Variants in NCALD observed in about 807,000 individuals in gnomAD.
NCALD encodes neurocalcin delta.
A neutral mutation model predicts 18.6 loss-of-function variants in NCALD; 10 were observed. That is an observed-to-expected ratio of 0.54 (90% CI 0.33 to 0.91). The LOEUF (loss-of-function observed/expected upper bound fraction) is 0.91. Among genes scored for constraint, NCALD ranks in the 40% least tolerant of loss-of-function variants. The pLI, the probability that NCALD is intolerant of heterozygous loss-of-function variation, is 0.03. For missense variants in NCALD, 184 were observed against 247.6 expected, an observed-to-expected ratio of 0.74 and a Z score of 1.72; for synonymous variants, 88 against 87.4, an observed-to-expected ratio of 1.01 and a Z score of -0.04.
intron 2 of NCALD, among the ~76,000 whole-genome samples, chr8:101,948,190 T>A (rs1396035556): frequency 6.6e-6 from 1 of 152,192 alleles, no homozygotes; most frequent in Non-Finnish European, 1.5e-5. Context: ...TGCAATAATT[T>A]AGATAAGAGA....
intron 4 of NCALD, among the ~76,000 whole-genome samples, chr8:101,863,671 G>A (rs1178728596): frequency 6.6e-6 from 1 of 152,102 alleles, no homozygotes; most frequent in Non-Finnish European, 1.5e-5. Context: ...TATCATATCA[G>A]GTAACCATTA....
At chr8:102,009,298 T>G in intron 2 of NCALD, among the ~76,000 whole-genome samples, 1 of 152,240 alleles carries the variant, frequency 6.6e-6, no homozygotes. Context: ...TTTCAAAGAT[T>G]TAAGCTCTGT....
chr8:101,845,965 T>C (rs1417696760), intron 4 of NCALD, among the ~76,000 whole-genome samples: 1 of 152,236 alleles, frequency 6.6e-6, no homozygotes, highest in East Asian at 1.9e-4. Context: ...ATTATTTCAC[T>C]AAACATAATG....
At chr8:101,827,611 G>A (rs1813994006) in intron 4 of NCALD, among the ~76,000 whole-genome samples, 1 of 152,190 alleles carries the variant, frequency 6.6e-6, no homozygotes, top group African/African-American at 2.4e-5. Context: ...GATTCACACT[G>A]CATTCTGTGG....
In NCALD at chr8:101,873,733, G is replaced by A. The variant is rs147278074; in HGVS notation, c.-20+13408C>T. Among the ~76,000 whole-genome samples the A allele has an allele frequency of 1.3e-4, 20 of 152,284 alleles. No homozygotes were observed. In the East Asian group the frequency reaches 1.7e-3, roughly 13 times the overall value. ...TGATGTCAGTTCTGGCTATACTGCC[G>A]CCCCCATTGCAAAGCCCTGAGCTTG... On this transcript the variant is annotated intron_variant, in intron 4 of 6. Transcript: ENST00000311028.
At chr8:101,744,737 G>A (rs1315720857) in intron 1 of NCALD, among the ~76,000 whole-genome samples, 1 of 152,116 alleles carries the variant, frequency 6.6e-6, no homozygotes, top group Non-Finnish European at 1.5e-5. Context: ...CAGCAGTGCT[G>A]CTTGGCCCTT....
chr8:101,777,825 C>G lies in NCALD; in HGVS notation c.-20+13037G>C, dbSNP rs910900877. 1.5e-4 allele frequency among the ~76,000 whole-genome samples: 23 copies of G among 152,108 alleles called. 1 individual carries two copies. The highest frequency in any genetic ancestry group is 1.5e-5 in the Non-Finnish European group (1 of 68,012). ...GATGGAAATCAAGAAAAGTTACCAT[C>G]AGCAGACAGAAATTTTAAGAAATTT... On this transcript the variant is annotated intron_variant, in intron 1 of 3. Transcript: ENST00000220931.
chr8:101,759,840 T>C (rs1444703881), intron 1 of NCALD, among the ~76,000 whole-genome samples: 4 of 152,276 alleles, frequency 2.6e-5, no homozygotes, highest in South Asian at 2.1e-4. Context: ...GATAAAAATG[T>C]ATCATCAGTA....
intron 4 of NCALD, among the ~76,000 whole-genome samples, chr8:101,843,374 T>C (rs2131298496): frequency 6.6e-6 from 1 of 152,336 alleles, no homozygotes; most frequent in South Asian, 2.1e-4. Flanking sequence ...GTCAATACTC[T>C]GTGGTTTAAA....
intron 1 of NCALD, among the ~76,000 whole-genome samples, chr8:102,030,740 G>A (rs1191409118): frequency 3.3e-5 from 5 of 152,200 alleles, no homozygotes; most frequent in Middle Eastern, 3.4e-3. Context: ...GCTGGATGTG[G>A]TGGTGCACGC....
At chr8:101,963,296 A>G (rs1296557860) in intron 2 of NCALD, among the ~76,000 whole-genome samples, 4 of 152,174 alleles carry the variant, frequency 2.6e-5, no homozygotes, top group African/African-American at 4.8e-5. Context: ...CTAAGAAACT[A>G]TTAATTACTG....
chr8:101,840,730 A>T (rs1225178574), intron 4 of NCALD, among the ~76,000 whole-genome samples: 4 of 152,190 alleles, frequency 2.6e-5, no homozygotes, highest in Admixed American at 6.5e-5. Context: ...TATCACTCAC[A>T]TACATAAACT....
At chr8:101,868,418 C>T (rs1383842321) in intron 4 of NCALD, among the ~76,000 whole-genome samples, 7 of 152,142 alleles carry the variant, frequency 4.6e-5, no homozygotes. Context: ...AAGGCTGATT[C>T]ACGCTGACTT....
At chr8:101,997,366 G>T (rs1398975893) in intron 2 of NCALD, among the ~76,000 whole-genome samples, 4 of 152,064 alleles carry the variant, frequency 2.6e-5, no homozygotes, top group Admixed American at 1.3e-4. Context: ...TTTTTAAAGA[G>T]CATGCTTTTA....
chr8:101,695,317 A>G (rs758252889), intron 2 of NCALD, among the ~76,000 whole-genome samples: 2 of 152,062 alleles, frequency 1.3e-5, no homozygotes, highest in Admixed American at 6.6e-5. Flanking sequence ...TTCATTATCA[A>G]TCTTCTTTGG....
At chr8:101,763,317 T>C (rs1439010333) in intron 1 of NCALD, among the ~76,000 whole-genome samples, 1 of 152,108 alleles carries the variant, frequency 6.6e-6, no homozygotes. Flanking sequence ...CAAGCTATGG[T>C]TGAAGTCTGG....
At chr8:102,000,867 C>A (rs1380671514) in intron 2 of NCALD, among the ~76,000 whole-genome samples, 1 of 152,130 alleles carries the variant, frequency 6.6e-6, no homozygotes, top group Non-Finnish European at 1.5e-5. Context: ...ACACCAAAAC[C>A]CCATCTGTAC....
chr8:101,933,736 G>T (rs1370414769), intron 2 of NCALD, among the ~76,000 whole-genome samples: 1 of 152,146 alleles, frequency 6.6e-6, no homozygotes, highest in Non-Finnish European at 1.5e-5. Flanking sequence ...TGTCTTGGGG[G>T]TTGGAGGCCT....
intron 1 of NCALD, among the ~76,000 whole-genome samples, chr8:101,749,063 T>G (rs919679189): frequency 4.6e-5 from 7 of 152,254 alleles, no homozygotes; most frequent in African/African-American, 1.7e-4. Context: ...TTCATGAGTT[T>G]AATTCTGTGT....
Sources: allele counts gnomAD v4.1 joint callset (sites outside exome capture counted in the v4.1 genomes callset), GRCh38; gene constraint gnomAD v4.1.1; transcripts MANE v1.5; gene names NCBI Gene and HGNC (gene_info 2026-07-23, HGNC 2026-07-21).